The following PDE6B variants were observed in gnomAD, a reference collection of about 807,000 sequenced individuals.
PDE6B encodes the protein phosphodiesterase 6B.
A neutral mutation model predicts 109.0 loss-of-function variants in PDE6B; 106 were observed. That is an observed-to-expected ratio of 0.97 (90% CI 0.83 to 1.14). The LOEUF is 1.14. Among genes scored for constraint, PDE6B ranks in the 50% most tolerant of loss-of-function variants. The pLI is 0.00. For synonymous variants in PDE6B, 490 were observed against 471.3 expected, an observed-to-expected ratio of 1.04 and a Z score of -0.51; for missense variants, 1,193 against 1,155.6, an observed-to-expected ratio of 1.03 and a Z score of -0.47.
chr4:654,135 C>T lies in PDE6B; in HGVS notation c.908C>T (p.Pro303Leu), dbSNP rs772785020. Reference protein sequence around the residue: ...LMGESQPYSGPRTPDGREIVF... With the variant: ...LMGESQPYSGLRTPDGREIVF... ...GGAGAGTCCCAGCCGTACTCGGGCC[C>T]ACGCACGCCTGATGGCCGGGTGAGT... The change falls in exon 5 of 22, where the codon CCA (proline) becomes CTA (leucine). Residue 303 changes from proline (P) to leucine (L), a missense_variant. Transcript: ENST00000496514. The T allele has an allele frequency of 1.1e-5, 17 of 1,613,780 alleles. No homozygotes were observed. The highest frequency in any genetic ancestry group is 1.4e-5 in the Non-Finnish European group (17 of 1,179,968).
intron 3 of PDE6B, among the ~76,000 whole-genome samples, chr4:647,136 G>A (rs1053620495): frequency 2.0e-5 from 3 of 152,034 alleles, no homozygotes; most frequent in African/African-American, 7.3e-5. Flanking sequence ...AGAATTACAG[G>A]CATGCGCCAC....
At chr4:660,397 G>A in intron 11 of PDE6B, 70 bp from the exon 12 acceptor site, 2 of 1,494,690 alleles carry the variant, frequency 1.3e-6, no homozygotes, top group South Asian at 1.1e-5. Context: ...GATCTGGAGA[G>A]AAGAAAGGAT....
At position 662,075 on chromosome 4, in the gene PDE6B, C is replaced by T. The variant is rs910995239; in HGVS notation, c.1615-59C>T. The T allele has an allele frequency of 9.9e-6, 8 of 809,028 alleles. No homozygotes were observed. Among genetic ancestry groups the T allele is most frequent in the South Asian group, 4.3e-5 (3 of 69,522 alleles). The allele number at this position is 809,028 out of a possible 1,614,324, so 50.1% of individuals were successfully genotyped here. The stretch of plus-strand genomic sequence containing the variant: ...CCACTGTGAAGTCAGCCACAGGTGC[C>T]GCTCTGGCGGGACTTACACGCTTGC... On this transcript the variant is annotated intron_variant, in intron 12 of 21. Coordinates refer to ENST00000496514, the MANE Select transcript of PDE6B (RefSeq NM_000283.4). This position sits in a 1 kb window ranked among gnomAD's most constrained non-coding sequence, Gnocchi z 4.3.
intron 1 of PDE6B, among the ~76,000 whole-genome samples, chr4:628,915 AGGGCCTGCACAAGGGG>A (rs1252494533): frequency 6.6e-6 from 1 of 152,218 alleles, no homozygotes; most frequent in African/African-American, 2.4e-5. Flanking sequence ...AGCGAATCCC[AGGGCCTGCACAAGGGG>A]GGCCCTGCCG....
chr4:645,308 T>C (rs1735145621), intron 3 of PDE6B, among the ~76,000 whole-genome samples: 1 of 148,684 alleles, frequency 6.7e-6, no homozygotes, highest in African/African-American at 2.5e-5. Context: ...TTTTTTTTTT[T>C]TTTTTGAGAC....
At chr4:664,826 A>G (rs1737595774) in intron 17 of PDE6B, 55 bp from the exon 18 acceptor site, 1 of 1,379,430 alleles carries the variant, frequency 7.2e-7, no homozygotes, top group African/African-American at 1.4e-5. Flanking sequence ...ACACATATAA[A>G]CCACCTGCCC....
chr4:634,350 CA>C (rs1461148883), intron 1 of PDE6B, among the ~76,000 whole-genome samples: 9 of 152,290 alleles, frequency 5.9e-5, no homozygotes, highest in African/African-American at 2.2e-4. Flanking sequence ...AACAGGCATC[CA>C]GGAAGCCCGA....
Position 625,812 on chromosome 4 carries a change from G to C in PDE6B, c.186G>C (p.Leu62=). 1 of 1,613,280 alleles carries C rather than the reference G, an allele frequency of 6.2e-7. No homozygotes were observed. The highest frequency in any genetic ancestry group is 1.1e-5 in the South Asian group (1 of 91,088). Residue 62 remains leucine, a synonymous_variant, in exon 1 of 22, where the codon CTG becomes CTC. Transcript: ENST00000496514. The surrounding 1 kb of genome is among the most constrained non-coding windows in gnomAD (Gnocchi z 5.0). ...AGGAGAGCACGGCGCTGCTGGAGCT[G>C]GTGCAGGATATGCAGGAGAGCATCA... ...QVEESTALLE[L]VQDMQESINM...
Position 662,121 on chromosome 4 carries a change from T to A in PDE6B, c.1615-13T>A. 7.1e-7 allele frequency: 1 copy of A among 1,416,730 alleles called. No individual in the cohort carries two copies. The highest frequency in any genetic ancestry group is 9.8e-7 in the Non-Finnish European group (1 of 1,022,574). The allele number at this position is 1,416,730 out of a possible 1,614,324, so 87.8% of individuals were successfully genotyped here. On this transcript the variant is annotated splice_polypyrimidine_tract_variant and intron_variant, in intron 12 of 21. Coordinates refer to ENST00000496514, the MANE Select transcript of PDE6B (RefSeq NM_000283.4). This position sits in a 1 kb window ranked among gnomAD's most constrained non-coding sequence, Gnocchi z 4.3. ...CTTGCCGCCGGAGCCCTGTGTCCTCTCGGCTCCCCCAGGTCCTGGTGCGGT... is the reference window on the plus strand; with the variant it reads ...CTTGCCGCCGGAGCCCTGTGTCCTCACGGCTCCCCCAGGTCCTGGTGCGGT...
intron 20 of PDE6B, among the ~76,000 whole-genome samples, chr4:667,051 TTTG>T (rs1196677226): frequency 6.6e-6 from 1 of 151,848 alleles, no homozygotes; most frequent in Non-Finnish European, 1.5e-5. Flanking sequence ...CACAGGGGCG[TTTG>T]GAACAGCAGA....
At chr4:660,159 CGTGT>C (rs890514219) in intron 11 of PDE6B, among the ~76,000 whole-genome samples, 9 of 151,616 alleles carry the variant, frequency 5.9e-5, no homozygotes, top group South Asian at 4.2e-4. Flanking sequence ...TGTCTGTATC[CGTGT>C]GTGTGTGTGT....
At chr4:646,413 G>A (rs2109161084) in intron 3 of PDE6B, among the ~76,000 whole-genome samples, 1 of 151,874 alleles carries the variant, frequency 6.6e-6, no homozygotes, top group Admixed American at 6.6e-5. Context: ...TTGGTTGTCT[G>A]CAGTTTGAAT....
chr4:651,984 T>TGTGACTGCGGCCAGGGTGGCTCCACGACG (rs1735603939), intron 3 of PDE6B: 3 of 154,276 alleles, frequency 1.9e-5, no homozygotes, highest in Non-Finnish European at 2.8e-5. Flanking sequence ...GCTCCATGAC[T>TGTGACTGCGGCCAGGGTGGCTCCACGACG]GTGACTGCGG....
At chr4:667,200 G>A (rs1156679468) in intron 20 of PDE6B, among the ~76,000 whole-genome samples, 1 of 152,190 alleles carries the variant, frequency 6.6e-6, no homozygotes, top group Non-Finnish European at 1.5e-5. Flanking sequence ...ATAAGAGCCA[G>A]CTGCCTCCGG....
In PDE6B at chr4:660,623, A is replaced by C; in HGVS notation, c.1614+10A>C. ...CCAGATCCCCCAGGAGGTGGGAGAC[A>C]CCGCAGGGCGCATAGTCAGGTCCCT... On this transcript the variant is annotated intron_variant, in intron 12 of 21. Coordinates refer to ENST00000496514, the MANE Select transcript of PDE6B (RefSeq NM_000283.4). 1 of 1,612,812 alleles carries C rather than the reference A, an allele frequency of 6.2e-7. No homozygotes were observed.
At position 670,388 on chromosome 4, in the gene PDE6B, G is replaced by A. The variant is rs1358901460; in HGVS notation, c.*281G>A. The A allele has an allele frequency of 6.8e-5, 26 of 385,000 alleles. No individual in the cohort carries two copies. Among genetic ancestry groups the A allele is most frequent in the South Asian group, 3.7e-4 (16 of 43,528 alleles). 23.8% of individuals were successfully genotyped at this position (385,000 alleles called of 1,614,324 possible). Reference sequence around the variant, plus strand: ...CTCCTGAGTAGCTGGGACTACAGGCGCCCACCACCACACATGGCTAATTTT... The same window carrying A: ...CTCCTGAGTAGCTGGGACTACAGGCACCCACCACCACACATGGCTAATTTT... On this transcript the variant is annotated 3_prime_UTR_variant, in exon 22 of 22. Coordinates refer to ENST00000496514, the MANE Select transcript of PDE6B (RefSeq NM_000283.4).
At position 664,191 on chromosome 4, in the gene PDE6B, C is replaced by A. The variant is rs752794968; in HGVS notation, c.2099C>A (p.Ser700Tyr). Residue 700 changes from serine (S) to tyrosine (Y), a missense_variant, in exon 17 of 22, where the codon TCC becomes TAC. By Grantham distance (144) the Ser-to-Tyr change is moderately radical. Transcript: ENST00000496514. ...QDKKSWVEYLSLETTRKEIVM... is the reference protein window; with the variant it reads ...QDKKSWVEYLYLETTRKEIVM... Reference sequence around the variant, plus strand: ...AAGAAGAGCTGGGTGGAGTACCTGTCCCTGGAGACGACCCGGAAGGAGATC... The same window carrying A: ...AAGAAGAGCTGGGTGGAGTACCTGTACCTGGAGACGACCCGGAAGGAGATC... 6.2e-7 allele frequency: 1 copy of A among 1,608,328 alleles called. No homozygotes were observed. The highest frequency in any genetic ancestry group is 8.5e-7 in the Non-Finnish European group (1 of 1,175,096).
At chr4:660,705 G>A in intron 12 of PDE6B, 92 bp downstream of exon 12, 2 of 1,128,856 alleles carry the variant, frequency 1.8e-6, no homozygotes, top group Non-Finnish European at 2.7e-6. Flanking sequence ...TGCCCCAGAA[G>A]GTGAGGGGGA....
At chr4:641,306 T>C (rs1385937425) in intron 3 of PDE6B, among the ~76,000 whole-genome samples, 1 of 152,236 alleles carries the variant, frequency 6.6e-6, no homozygotes, top group African/African-American at 2.4e-5. Context: ...AGATATTGGG[T>C]TCTTAATTTC....
Sources: gnomAD v4.1 joint callset for allele counts (sites outside exome capture counted in the v4.1 genomes callset) on GRCh38, gnomAD v4.1.1 for gene constraint, Gnocchi (gnomAD v3.1) non-coding constraint, MANE v1.5 for transcripts, NCBI Gene and HGNC (gene_info 2026-07-23, HGNC 2026-07-21) for gene names.